The following NRXN3 variants were observed in gnomAD, a reference collection of about 807,000 sequenced individuals.
The protein encoded by NRXN3 is neurexin III.
In NRXN3, 32 loss-of-function variants were observed where a neutral mutation model predicts 137.6. The observed-to-expected ratio is 0.23, with a 90% CI of 0.18 to 0.31. NRXN3 has a LOEUF of 0.31. Ranked by LOEUF, NRXN3 falls within the 10% of genes least tolerant of loss-of-function variation. The pLI, the probability that NRXN3 is intolerant of heterozygous loss-of-function variation, is 1.00. For synonymous variants in NRXN3, 798 were observed against 784.5 expected, an observed-to-expected ratio of 1.02 and a Z score of -0.29; for missense variants, 1,574 against 2,062.5, an observed-to-expected ratio of 0.76 and a Z score of 4.59.
intron 2 of NRXN3, among the ~76,000 whole-genome samples, chr14:78,266,456 G>T (rs992411245): frequency 1.3e-5 from 2 of 151,882 alleles, no homozygotes; most frequent in East Asian, 3.9e-4. Flanking sequence ...ATACCACCAC[G>T]CCCAGCTAAT....
rs1003951695 is a variant in NRXN3 at position 79,864,759 on chromosome 14, GT to G, written c.*2805del. ...GTTTTTTGTTTTTCGTTTTTTGTTT[GT>G]TTTTTTTTTGAGACAGAGTCTCGCT... On this transcript the variant is annotated 3_prime_UTR_variant, in exon 21 of 21. Transcript: ENST00000335750. The G allele has an allele frequency of 5.4e-5, 8 of 148,154 alleles. No individual in the cohort carries two copies. Among genetic ancestry groups the G allele is most frequent in the Non-Finnish European group, 7.5e-5 (5 of 66,810 alleles). 9.2% of individuals were successfully genotyped at this position (148,154 alleles called of 1,614,324 possible). A position where few individuals can be genotyped will look rare whatever the true frequency, so the allele number is the denominator to read the frequency against.
intron 15 of NRXN3, among the ~76,000 whole-genome samples, chr14:79,096,150 C>A (rs1012857119): frequency 3.3e-5 from 5 of 151,646 alleles, no homozygotes; most frequent in Non-Finnish European, 7.4e-5. Context: ...CTCTGTCACC[C>A]AGGCTGGAGT....
intron 3 of NRXN3, among the ~76,000 whole-genome samples, chr14:78,295,133 A>G (rs1346940255): frequency 5.3e-5 from 8 of 152,232 alleles, no homozygotes; most frequent in Non-Finnish European, 1.2e-4. Context: ...TTGTGCAAGA[A>G]AATGTACTGA....
intron 19 of NRXN3, among the ~76,000 whole-genome samples, chr14:79,723,156 G>A (rs1364332022): frequency 1.3e-5 from 2 of 152,036 alleles, no homozygotes; most frequent in African/African-American, 4.8e-5. Context: ...GTAGCTTGGA[G>A]GAAATACTTG....
intron 15 of NRXN3, among the ~76,000 whole-genome samples, chr14:79,126,360 T>C (rs1385907444): frequency 4.9e-5 from 7 of 141,474 alleles, no homozygotes; most frequent in Admixed American, 7.3e-5. Context: ...GAGTGTGATG[T>C]TCCCCTTCCT....
chr14:78,218,343 A>C (rs1216059677), intron 1 of NRXN3, among the ~76,000 whole-genome samples: 1 of 152,174 alleles, frequency 6.6e-6, no homozygotes, highest in Non-Finnish European at 1.5e-5. Flanking sequence ...GCAACAAAGA[A>C]AGACCCTATC....
intron 17 of NRXN3, 43 bp from the exon 18 acceptor site, chr14:79,692,130 G>T: frequency 6.9e-7 from 1 of 1,452,822 alleles, no homozygotes; most frequent in Non-Finnish European, 9.4e-7. Flanking sequence ...ATGACTTATT[G>T]ACTTTTCAGA....
At chr14:78,502,946 A>T (rs941154314) in intron 4 of NRXN3, among the ~76,000 whole-genome samples, 1 of 152,148 alleles carries the variant, frequency 6.6e-6, no homozygotes, top group African/African-American at 2.4e-5. Flanking sequence ...TCTACATTCT[A>T]TGTGTATTTG....
intron 4 of NRXN3, among the ~76,000 whole-genome samples, chr14:78,619,793 T>C (rs1281704545): frequency 1.3e-5 from 2 of 152,128 alleles, no homozygotes; most frequent in African/African-American, 4.8e-5. Flanking sequence ...CTTTCCTTTA[T>C]AAATTACCCA....
chr14:78,595,636 T>G (rs916746454), intron 4 of NRXN3, among the ~76,000 whole-genome samples: 1 of 152,216 alleles, frequency 6.6e-6, no homozygotes, highest in African/African-American at 2.4e-5. Context: ...CTGTAGACAT[T>G]GTCTTGTTTG....
At chr14:79,782,450 G>A (rs1015428396) in intron 19 of NRXN3, among the ~76,000 whole-genome samples, 7 of 152,090 alleles carry the variant, frequency 4.6e-5, no homozygotes, top group African/African-American at 9.7e-5. Context: ...AGTAAAACAC[G>A]CATACAAATG....
At chr14:78,388,753 A>G (rs1231620171) in intron 4 of NRXN3, among the ~76,000 whole-genome samples, 1 of 152,194 alleles carries the variant, frequency 6.6e-6, no homozygotes, top group Admixed American at 6.5e-5. Flanking sequence ...GTAAAAAAGG[A>G]TTAATCTAGA....
chr14:79,674,545 T>C (rs113974062), intron 17 of NRXN3, among the ~76,000 whole-genome samples: 6 of 152,120 alleles, frequency 3.9e-5, no homozygotes, highest in East Asian at 2.0e-4. Context: ...CACACAGATA[T>C]GTTTGCCCTC....
chr14:78,982,473 C>A (rs2099491804), intron 14 of NRXN3, among the ~76,000 whole-genome samples: 1 of 151,326 alleles, frequency 6.6e-6, no homozygotes, highest in African/African-American at 2.4e-5. Flanking sequence ...GGATAGAGAC[C>A]CCCAAAATAA....
chr14:79,591,233 A>C (rs1021695249), intron 16 of NRXN3, among the ~76,000 whole-genome samples: 8 of 152,218 alleles, frequency 5.3e-5, no homozygotes, highest in African/African-American at 1.9e-4. Context: ...TTCATGTAAC[A>C]AAATATGACA....
chr14:78,237,578 G>A (rs1404960114), intron 1 of NRXN3, among the ~76,000 whole-genome samples: 2 of 152,148 alleles, frequency 1.3e-5, no homozygotes, highest in African/African-American at 4.8e-5. Flanking sequence ...TCCTTTTCAC[G>A]ATAATTCCAG....
At chr14:78,926,573 T>C (rs2152840746) in intron 10 of NRXN3, among the ~76,000 whole-genome samples, 1 of 121,852 alleles carries the variant, frequency 8.2e-6, no homozygotes, top group Non-Finnish European at 1.6e-5. Context: ...AAACCTTGTC[T>C]CTAAAAATAA....
At chr14:78,760,887 A>G (rs749300379) in intron 8 of NRXN3, among the ~76,000 whole-genome samples, 2 of 152,172 alleles carry the variant, frequency 1.3e-5, no homozygotes, top group Non-Finnish European at 2.9e-5. Flanking sequence ...AGGAGGAATC[A>G]TGGAAAATAC....
intron 15 of NRXN3, among the ~76,000 whole-genome samples, chr14:79,324,082 G>A (rs1286520350): frequency 6.6e-6 from 1 of 152,216 alleles, no homozygotes; most frequent in Admixed American, 6.5e-5. Context: ...AACAAAGAGA[G>A]AAGTCTAAGT....
Sources: gnomAD v4.1 joint callset for allele counts (sites outside exome capture counted in the v4.1 genomes callset) on GRCh38, gnomAD v4.1.1 for gene constraint, MANE v1.5 for transcripts, NCBI Gene and HGNC (gene_info 2026-07-23, HGNC 2026-07-21) for gene names.